TTN: variants seen among roughly 807,000 people sequenced by gnomAD.
TTN encodes connectin.
Under a neutral mutation model 3,223.0 loss-of-function variants are expected in TTN, and 1,525 were observed. The observed-to-expected ratio is 0.47, with a 90% CI of 0.45 to 0.49. The LOEUF (loss-of-function observed/expected upper bound fraction) is 0.49. Among genes scored for constraint, TTN ranks in the 20% least tolerant of loss-of-function variants. The pLI is 0.00. For missense variants in TTN, 40,786 were observed against 43,424.0 expected, an observed-to-expected ratio of 0.94 and a Z score of 5.40; for synonymous variants, 14,094 against 15,161.0, an observed-to-expected ratio of 0.93 and a Z score of 5.17.
chr2:178,743,583 A>T (rs1270586141), intron 47 of TTN, among the ~76,000 whole-genome samples: 2 of 151,968 alleles, frequency 1.3e-5, no homozygotes, highest in Non-Finnish European at 2.9e-5. Flanking sequence ...TCTTCCTGAA[A>T]TCCAGTAGGA....
intron 211 of TTN, 51 bp from the exon 212 acceptor site, chr2:178,649,682 TA>T: frequency 6.5e-7 from 1 of 1,543,634 alleles, no homozygotes; most frequent in South Asian, 1.2e-5. Context: ...AGATGTAAGA[TA>T]TACATACAAG....
In TTN at chr2:178,533,015, TCTCCTCCTTCTTTTC is replaced by T. The variant is rs772286988; in HGVS notation, c.103585_103599del (p.Glu34529_Glu34533del). The T allele has an allele frequency of 2.3e-5, 37 of 1,613,838 alleles. No homozygotes were observed. The African/African-American group carries it at 4.9e-4, about 22-fold the overall frequency. On this transcript the variant is annotated inframe_deletion, in exon 358 of 363. Transcript: ENST00000589042. Reference sequence around the variant, plus strand: ...ACATCATAAGGCATCCGGAGTTTTCTCTCCTCCTTCTTTTCTTCTATCTCAAGTCTGAATTCCCCT... The same window carrying T: ...ACATCATAAGGCATCCGGAGTTTTCTTTCTATCTCAAGTCTGAATTCCCCT...
intron 13 of TTN, 61 bp downstream of exon 13, chr2:178,789,299 A>G (rs1574856029): frequency 3.1e-6 from 5 of 1,599,460 alleles, no homozygotes; most frequent in Non-Finnish European, 3.4e-6. Flanking sequence ...GGAATTTCAC[A>G]TGATATGTGG....
chr2:178,592,846 A>G lies in TTN; in HGVS notation c.59273T>C (p.Leu19758Ser). 6 of 1,613,536 alleles carry G rather than the reference A, an allele frequency of 3.7e-6. No individual in the cohort carries two copies. The highest frequency in any genetic ancestry group is 5.1e-6 in the Non-Finnish European group (6 of 1,179,610). ...TGATTCACCAGCTGCATTGACTGCT[A>G]ACACTCTAAACTTATAGGTTTGACC... is the stretch of plus-strand genomic sequence containing the variant. Reference protein sequence around the residue: ...RDGQTYKFRVLAVNAAGESDP... With the variant: ...RDGQTYKFRVSAVNAAGESDP... Residue 19758 changes from leucine to serine, a missense_variant, in exon 300 of 363, where the codon TTA becomes TCA. Coordinates refer to ENST00000589042, the MANE Select transcript of TTN (RefSeq NM_001267550.2).
At position 178,686,113 on chromosome 2, in the gene TTN, A is replaced by ATTTTTTTTTTTTTTTTTTTTTTTT. The variant is rs765570520; in HGVS notation, c.32312-539_32312-516dup. 5.3e-4 allele frequency among the ~76,000 whole-genome samples: 41 copies of ATTTTTTTTTTTTTTTTTTTTTTTT among 77,802 alleles called. 2 individuals carry two copies. The highest frequency in any genetic ancestry group is 1.7e-3 in the African/African-American group (26 of 15,088). The allele number at this position is 77,802 out of a possible 152,430, so 51.0% of individuals were successfully genotyped here. A position where few individuals can be genotyped will look rare whatever the true frequency, so the allele number is the denominator to read the frequency against. ...TTGAGCCTAAGTGTATACAGTTTTA[A>ATTTTTTTTTTTTTTTTTTTTTTTT]TTTTTTTTTTTTTTTTTTTTTTTTT... On this transcript the variant is annotated intron_variant, in intron 127 of 362. Coordinates refer to ENST00000589042, the MANE Select transcript of TTN (RefSeq NM_001267550.2).
Position 178,711,146 on chromosome 2 carries a change from C to G in TTN, c.28090G>C (p.Asp9364His). ...NTATLNIFKT[D>H]RSLAGQYSCT... ...GAATACTGGCCTGCAAGGCTCCGGT[C>G]AGTTTTAAAAATATTGAGTGTGGCT... The change falls in exon 97 of 363, where the codon GAC becomes CAC. Residue 9364 changes from aspartate to histidine, a missense_variant. Asp to His is a moderately conservative substitution (Grantham distance 81). Transcript: ENST00000589042. 1.2e-6 allele frequency: 2 copies of G among 1,613,828 alleles called. No individual in the cohort carries two copies. Among genetic ancestry groups the G allele is most frequent in the South Asian group, 1.1e-5 (1 of 91,066 alleles).
At chr2:178,643,741 T>G (rs1427801532) in intron 218 of TTN, among the ~76,000 whole-genome samples, 1 of 151,976 alleles carries the variant, frequency 6.6e-6, no homozygotes, top group African/African-American at 2.4e-5. Flanking sequence ...ATTTTGTAAT[T>G]GCCTCTTTAT....
In TTN at chr2:178,591,426, G is replaced by A. The variant is rs1388164549; in HGVS notation, c.60299C>T (p.Ala20100Val). ...AGGAACAGGCACACCTCTTATAATA[G>A]CAGGGAATCTGACTGTGGTTCCAGC... ...VKAGTTVRFPAIIRGVPVPTA... is the reference protein window; with the variant it reads ...VKAGTTVRFPVIIRGVPVPTA... Residue 20100 changes from alanine to valine, a missense_variant, in exon 304 of 363, where the codon GCT becomes GTT. Physicochemically the swap from Ala to Val is moderately conservative, Grantham distance 64. Coordinates refer to ENST00000589042, the MANE Select transcript of TTN (RefSeq NM_001267550.2). The A allele has an allele frequency of 1.9e-6, 3 of 1,607,112 alleles. No individual in the cohort carries two copies. The highest frequency in any genetic ancestry group is 2.5e-6 in the Non-Finnish European group (3 of 1,176,890).
At chr2:178,599,513 C>T (rs1298018594) in intron 289 of TTN, 41 bp downstream of exon 289, 2 of 1,518,600 alleles carry the variant, frequency 1.3e-6, no homozygotes, top group Non-Finnish European at 8.8e-7. Context: ...TATTTATGAA[C>T]AGAAAAACAA....
At chr2:178,540,746 A>G (rs549824673) in intron 350 of TTN, among the ~76,000 whole-genome samples, 4 of 152,340 alleles carry the variant, frequency 2.6e-5, no homozygotes, top group African/African-American at 9.6e-5. Context: ...CAGTGAGCCA[A>G]GATCATGCCA....
chr2:178,595,889 A>G, intron 294 of TTN, 80 bp from the exon 295 acceptor site: 1 of 1,396,300 alleles, frequency 7.2e-7, no homozygotes, highest in Admixed American at 2.6e-5. Flanking sequence ...TTAAAAGGAG[A>G]CAAAAATGTT....
At chr2:178,581,471 C>G (rs765576670) in intron 316 of TTN, 28 bp downstream of exon 316, 1 of 1,544,774 alleles carries the variant, frequency 6.5e-7, no homozygotes, top group Non-Finnish European at 8.8e-7. Flanking sequence ...TAGGAAAAGC[C>G]TTATGTACTC....
At position 178,609,331 on chromosome 2, in the gene TTN, T is replaced by A; in HGVS notation, c.51979A>T (p.Ser17327Cys). 6.2e-7 allele frequency: 1 copy of A among 1,610,666 alleles called. No homozygotes were observed. Among genetic ancestry groups the A allele is most frequent in the Non-Finnish European group, 8.5e-7 (1 of 1,178,368 alleles). ...CGTAGCTGAGATTCTCCCTTTTTGC[T>A]GTTGTCAATACTCAAACGCTGTGTC... ...PLTQRLSIDN[S>C]KKGESQLRVR... The change falls in exon 273 of 363, where the codon AGC (serine) becomes TGC (cysteine). Residue 17327 changes from serine to cysteine, a missense_variant. Transcript: ENST00000589042.
Position 178,590,176 on chromosome 2 carries a change from A to G in TTN, c.61549T>C (p.Leu20517=). ...AGGTCCACCCTCTTTTCTCGGACCA[A>G]TACTTTGCCTTCCTTAGTCCAAGTT... The part of the protein sequence containing the change: ...DITWTKEGKV[L]VREKRVDLIQ... Residue 20517 remains leucine (L), a synonymous_variant, in exon 304 of 363, where the codon TTG becomes CTG. Coordinates refer to ENST00000589042, the MANE Select transcript of TTN (RefSeq NM_001267550.2). 4 of 1,612,112 alleles carry G rather than the reference A, an allele frequency of 2.5e-6. No homozygotes were observed. The highest frequency in any genetic ancestry group is 3.4e-6 in the Non-Finnish European group (4 of 1,179,060).
At position 178,537,608 on chromosome 2, in the gene TTN, T is replaced by A. The variant is rs1487049038; in HGVS notation, c.99599A>T (p.Tyr33200Phe). ...TCCATAATATTTCTCTTTCAGTGGG[T>A]AACCAGGATGGAACTGCGGTGTTGC... ...LQATPQFHPG[Y>F]PLKEKYYGAV... The change falls in exon 355 of 363, where the codon TAC becomes TTC. Residue 33200 changes from tyrosine (Y) to phenylalanine (F), a missense_variant. Coordinates refer to ENST00000589042, the MANE Select transcript of TTN (RefSeq NM_001267550.2). 2 of 1,613,678 alleles carry A rather than the reference T, an allele frequency of 1.2e-6. No homozygotes were observed. Among genetic ancestry groups the A allele is most frequent in the Non-Finnish European group, 1.7e-6 (2 of 1,179,666 alleles).
Position 178,547,790 on chromosome 2 carries a change from A to G in TTN, c.93836T>C (p.Met31279Thr). The change falls in exon 339 of 363, where the codon ATG (methionine) becomes ACG (threonine). Residue 31279 changes from methionine (M) to threonine (T), a missense_variant. By Grantham distance (81) the Met-to-Thr change is moderately conservative. Coordinates refer to ENST00000589042, the MANE Select transcript of TTN (RefSeq NM_001267550.2). ...DRTTLTVKDS[M>T]RGDSGRYFLT... The stretch of plus-strand genomic sequence containing the variant: ...GAAGTATCTTCCAGAGTCACCTCTC[A>G]TGCTGTCCTTTACAGTCAGTGTGGT... 6.2e-7 allele frequency: 1 copy of G among 1,613,916 alleles called. No individual in the cohort carries two copies. The highest frequency in any genetic ancestry group is 8.5e-7 in the Non-Finnish European group (1 of 1,179,844).
chr2:178,612,975 C>G lies in TTN; in HGVS notation c.49746G>C (p.Lys16582Asn), dbSNP rs760072934. 9 of 1,612,648 alleles carry G rather than the reference C, an allele frequency of 5.6e-6. No individual in the cohort carries two copies. The highest frequency in any genetic ancestry group is 1.1e-5 in the South Asian group (1 of 91,056). The stretch of plus-strand genomic sequence containing the variant: ...GCATTTCAATGACATAAGACTCAAT[C>G]TTTGCACCTCCATCATGTTCTGGTT... ...WTKPEHDGGA[K>N]IESYVIEMLK... Residue 16582 changes from lysine to asparagine, a missense_variant, in exon 265 of 363, where the codon AAG becomes AAC. Lys to Asn is a moderately conservative substitution (Grantham distance 94). Transcript: ENST00000589042.
At chr2:178,748,262 T>C (rs1377883531) in intron 47 of TTN, 1 of 1,613,004 alleles carries the variant, frequency 6.2e-7, no homozygotes, top group Non-Finnish European at 8.5e-7. Context: ...TTTTAAAATG[T>C]CTAAGTTTTG....
Position 178,633,300 on chromosome 2 carries a change from G to A in TTN, c.42973C>T (p.Leu14325=), listed in dbSNP as rs775242938. ...EARLIKVEKP[L]YGVEVFVGET... ...CCAACAAACACCTCTACTCCGTACA[G>A]AGGCTTTTCCACTTTTATTAGTCGA... The change falls in exon 233 of 363, where the codon CTG becomes TTG. Residue 14325 remains leucine (L), a synonymous_variant. Coordinates refer to ENST00000589042, the MANE Select transcript of TTN (RefSeq NM_001267550.2). 4 of 1,613,156 alleles carry A rather than the reference G, an allele frequency of 2.5e-6. No homozygotes were observed. Among genetic ancestry groups the A allele is most frequent in the Non-Finnish European group, 2.5e-6 (3 of 1,179,460 alleles).
Sources: gnomAD v4.1 joint callset for allele counts (sites outside exome capture counted in the v4.1 genomes callset) on GRCh38, gnomAD v4.1.1 for gene constraint, MANE v1.5 for transcripts, NCBI Gene and HGNC (gene_info 2026-07-23, HGNC 2026-07-21) for gene names.